Variants in RBFOX3 observed in about 807,000 individuals in gnomAD.
RBFOX3 encodes the protein RNA binding fox-1 homolog 3, also known as RNA binding protein fox-1 homolog 3.
A neutral mutation model predicts 48.7 loss-of-function variants in RBFOX3; 17 were observed. That is an observed-to-expected ratio of 0.35 (90% confidence interval 0.24 to 0.52). The LOEUF is 0.52. Among genes scored for constraint, RBFOX3 ranks in the 20% least tolerant of loss-of-function variants. The pLI is 0.94. For missense variants in RBFOX3, 382 were observed against 497.5 expected (o/e 0.77, Z 2.21); for synonymous variants, 212 against 209.5 (o/e 1.01, Z -0.10).
intron 1 of RBFOX3, among the ~76,000 whole-genome samples, chr17:79,489,242 A>T (rs1003726513): frequency 1.3e-4 from 1 of 7,860 alleles, no homozygotes; most frequent in Non-Finnish European, 2.0e-3. Context: ...CAGAAAGTTA[A>T]AAAAAAAAAA....
At chr17:79,455,672 TC>T (rs1476329647) in intron 2 of RBFOX3, among the ~76,000 whole-genome samples, 1 of 151,702 alleles carries the variant, frequency 6.6e-6, no homozygotes, top group African/African-American at 2.4e-5. Context: ...CACACACACT[TC>T]CACAATCACA....
intron 2 of RBFOX3, among the ~76,000 whole-genome samples, chr17:79,365,252 A>G (rs577365213): frequency 6.6e-6 from 1 of 152,240 alleles, no homozygotes; most frequent in Non-Finnish European, 1.5e-5. Flanking sequence ...TCATCCTCCT[A>G]TGAACAAAAT....
chr17:79,557,455 C>T (rs1167465486), intron 1 of RBFOX3, among the ~76,000 whole-genome samples: 5 of 150,322 alleles, frequency 3.3e-5, no homozygotes, highest in African/African-American at 1.2e-4. Context: ...AAGCCCCCAT[C>T]CCACAGCTGC....
intron 1 of RBFOX3, among the ~76,000 whole-genome samples, chr17:79,560,646 G>T (rs2092148783): frequency 6.6e-6 from 1 of 152,148 alleles, no homozygotes; most frequent in East Asian, 1.9e-4. Context: ...AAGCCTGCCA[G>T]CCAGTGCTGT....
At chr17:79,495,578 T>G (rs1294146767) in intron 1 of RBFOX3, among the ~76,000 whole-genome samples, 3,432 of 6,804 alleles carry the variant, frequency 0.5, 1,118 homozygotes, top group Non-Finnish European at 0.6. Flanking sequence ...GGGATGGGGA[T>G]GTGGGAAGGT....
At chr17:79,450,712 G>A (rs1245495640) in intron 2 of RBFOX3, among the ~76,000 whole-genome samples, 6 of 152,106 alleles carry the variant, frequency 3.9e-5, no homozygotes, top group African/African-American at 9.7e-5. Context: ...GCAACTCATC[G>A]TGATCCAAAG....
At chr17:79,165,111 C>G (rs1340689053) in intron 4 of RBFOX3, among the ~76,000 whole-genome samples, 1 of 152,074 alleles carries the variant, frequency 6.6e-6, no homozygotes, top group East Asian at 1.9e-4. Context: ...TGGGGAGCAG[C>G]CGGGAGGGAT....
At chr17:79,295,420 G>A (rs1281315902) in intron 3 of RBFOX3, among the ~76,000 whole-genome samples, 1 of 152,156 alleles carries the variant, frequency 6.6e-6, no homozygotes, top group Non-Finnish European at 1.5e-5. Flanking sequence ...GTGAGGGAGC[G>A]AGGGAGGGAT....
chr17:79,093,738 C>G (rs2074489656), intron 14 of RBFOX3, among the ~76,000 whole-genome samples: 1 of 151,720 alleles, frequency 6.6e-6, no homozygotes, highest in Admixed American at 6.6e-5. Flanking sequence ...CAGGTGTCTG[C>G]TGGAAGCAGC....
chr17:79,478,062 C>T (rs1322968271), intron 2 of RBFOX3, among the ~76,000 whole-genome samples: 2 of 152,198 alleles, frequency 1.3e-5, no homozygotes, highest in African/African-American at 2.4e-5. Context: ...CCTCTCCCCG[C>T]TGCCAAGCAA....
At chr17:79,162,641 A>G (rs2047198647) in intron 4 of RBFOX3, among the ~76,000 whole-genome samples, 1 of 152,242 alleles carries the variant, frequency 6.6e-6, no homozygotes, top group African/African-American at 2.4e-5. Flanking sequence ...AAATTAGTTA[A>G]ATGGAGAGGA....
At chr17:79,514,107 T>C (rs1599011873) in intron 1 of RBFOX3, among the ~76,000 whole-genome samples, 1 of 152,142 alleles carries the variant, frequency 6.6e-6, no homozygotes, top group Non-Finnish European at 1.5e-5. Context: ...GGACCATGTG[T>C]ATCAGACTTG....
At chr17:79,383,725 T>C (rs996977784) in intron 2 of RBFOX3, among the ~76,000 whole-genome samples, 1 of 151,980 alleles carries the variant, frequency 6.6e-6, no homozygotes, top group Non-Finnish European at 1.5e-5. Context: ...GCTTGGTGGG[T>C]GAGGATCAGG....
intron 4 of RBFOX3, among the ~76,000 whole-genome samples, chr17:79,174,680 GCA>G (rs1332803214): frequency 2.0e-5 from 3 of 150,546 alleles, no homozygotes; most frequent in Non-Finnish European, 3.0e-5. Flanking sequence ...CACACACAAT[GCA>G]CACTCACATG....
intron 3 of RBFOX3, among the ~76,000 whole-genome samples, chr17:79,288,720 G>GACAT (rs1239488806): frequency 6.6e-6 from 1 of 151,992 alleles, no homozygotes; most frequent in Non-Finnish European, 1.5e-5. Context: ...ACCCCACAGC[G>GACAT]ACATGCTCTC....
chr17:79,164,135 A>C (rs1354484700), intron 4 of RBFOX3, among the ~76,000 whole-genome samples: 2 of 152,066 alleles, frequency 1.3e-5, no homozygotes, highest in East Asian at 3.9e-4. Flanking sequence ...TGGGGGAGGG[A>C]AAGAATGGGC....
In RBFOX3 at chr17:79,476,323, C is replaced by CT. The variant is rs1453449537; in HGVS notation, c.-175+6130dup. Among the ~76,000 whole-genome samples the CT allele has an allele frequency of 5.3e-5, 8 of 152,376 alleles. No homozygotes were observed. In the South Asian group the frequency reaches 1.7e-3, roughly 32 times the overall value. ...CCCGCCCAGTCTCCTCCGCTGCTCA[C>CT]TCACAGAGCTCTAAAGTCACCAAGG... On this transcript the variant is annotated intron_variant, in intron 2 of 14. Coordinates refer to ENST00000693108, the MANE Select transcript of RBFOX3 (RefSeq NM_001350451.2).
the RBFOX3 span, among the ~76,000 whole-genome samples, chr17:79,616,254 G>T: frequency 6.6e-6 from 1 of 151,928 alleles, no homozygotes. Flanking sequence ...TGGATCTCTC[G>T]GCCGGGCACG....
intron 2 of RBFOX3, among the ~76,000 whole-genome samples, chr17:79,325,156 CA>C (rs2079111423): frequency 6.6e-6 from 1 of 152,230 alleles, no homozygotes; most frequent in Non-Finnish European, 1.5e-5. Flanking sequence ...GGCCCTGCAT[CA>C]GGGAGAAGCA....
Sources: gnomAD v4.1 joint callset for allele counts (sites outside exome capture counted in the v4.1 genomes callset) on GRCh38, gnomAD v4.1.1 for gene constraint, MANE v1.5 for transcripts, NCBI Gene and HGNC (gene_info 2026-07-23, HGNC 2026-07-21) for gene names.